Variants in RUNDC3B observed in about 807,000 individuals in gnomAD.
The protein encoded by RUNDC3B is RUN domain containing 3B.
A neutral mutation model predicts 58.4 loss-of-function variants in RUNDC3B; 33 were observed. That is an observed-to-expected ratio of 0.56 (90% CI 0.43 to 0.75). RUNDC3B has a LOEUF of 0.75. Among genes scored for constraint, RUNDC3B ranks in the 30% least tolerant of loss-of-function variants. The pLI is 0.00. For missense variants in RUNDC3B, 501 were observed against 535.7 expected (o/e 0.94, Z 0.64); for synonymous variants, 193 against 195.2 (o/e 0.99, Z 0.10).
intron 10 of RUNDC3B, among the ~76,000 whole-genome samples, chr7:87,823,318 C>T (rs143455138): frequency 0.011 from 1,744 of 152,164 alleles, 41 homozygotes; most frequent in African/African-American, 0.04. Flanking sequence ...GTCACATAGC[C>T]CTTTCCATAG....
intron 2 of RUNDC3B, among the ~76,000 whole-genome samples, chr7:87,692,282 C>A (rs1335514534): frequency 1.3e-5 from 2 of 152,062 alleles, no homozygotes; most frequent in African/African-American, 4.8e-5. Context: ...AAGATCTGGT[C>A]TCTACAAAAA....
At chr7:87,825,275 G>A (rs1461074680) in intron 10 of RUNDC3B, among the ~76,000 whole-genome samples, 1 of 152,158 alleles carries the variant, frequency 6.6e-6, no homozygotes, top group Non-Finnish European at 1.5e-5. Context: ...CAAGCCAGCA[G>A]AGATTTGCAT....
intron 4 of RUNDC3B, among the ~76,000 whole-genome samples, chr7:87,724,362 A>G (rs1831091195): frequency 6.6e-6 from 1 of 152,206 alleles, no homozygotes; most frequent in African/African-American, 2.4e-5. Context: ...AAAACATTTC[A>G]GGATATTATT....
At chr7:87,773,879 C>T (rs1834461446) in intron 7 of RUNDC3B, among the ~76,000 whole-genome samples, 1 of 151,894 alleles carries the variant, frequency 6.6e-6, no homozygotes, top group Middle Eastern at 3.4e-3. Context: ...GGTTTCACGA[C>T]GTTGGCTAGG....
intron 4 of RUNDC3B, among the ~76,000 whole-genome samples, chr7:87,719,375 G>A (rs1045746202): frequency 1.8e-4 from 27 of 151,392 alleles, no homozygotes; most frequent in African/African-American, 5.1e-4. Flanking sequence ...TACATAATTA[G>A]ACAAGTTGAT....
intron 9 of RUNDC3B, among the ~76,000 whole-genome samples, chr7:87,814,189 C>T (rs1376914656): frequency 6.6e-6 from 1 of 151,112 alleles, no homozygotes; most frequent in Non-Finnish European, 1.5e-5. Context: ...CAATCTCTGC[C>T]TATCAGGTTC....
At chr7:87,822,223 C>T (rs1439601861) in intron 10 of RUNDC3B, among the ~76,000 whole-genome samples, 68 of 151,640 alleles carry the variant, frequency 4.5e-4, no homozygotes, top group Middle Eastern at 6.8e-3. Context: ...AAAAAGTGGG[C>T]GAAGGACATG....
intron 7 of RUNDC3B, among the ~76,000 whole-genome samples, chr7:87,775,073 CA>C (rs543054831): frequency 6.6e-6 from 1 of 152,038 alleles, no homozygotes; most frequent in South Asian, 2.1e-4. Flanking sequence ...ACTTAAAAAA[CA>C]AAAAAGTTAA....
chr7:87,710,734 A>G, intron 4 of RUNDC3B, 79 bp downstream of exon 4: 1 of 723,306 alleles, frequency 1.4e-6, no homozygotes, highest in Non-Finnish European at 2.3e-6. Flanking sequence ...AGGATGAAGA[A>G]TCAATTTCTA....
At chr7:87,654,412 C>T (rs1466709384) in intron 2 of RUNDC3B, among the ~76,000 whole-genome samples, 1 of 151,962 alleles carries the variant, frequency 6.6e-6, no homozygotes, top group Non-Finnish European at 1.5e-5. Flanking sequence ...GAATAGAGAA[C>T]CCACAAATAA....
intron 8 of RUNDC3B, among the ~76,000 whole-genome samples, chr7:87,784,644 A>G (rs930298386): frequency 2.0e-5 from 3 of 151,274 alleles, no homozygotes; most frequent in Non-Finnish European, 4.4e-5. Flanking sequence ...TTACTCAGCT[A>G]TAAGCCTCCT....
chr7:87,777,637 A>G (rs1479847184), intron 7 of RUNDC3B, among the ~76,000 whole-genome samples, 161 bp from the exon 8 acceptor site: 1 of 152,234 alleles, frequency 6.6e-6, no homozygotes, highest in East Asian at 1.9e-4. Flanking sequence ...TTAAATTTTT[A>G]TATTCAATTA....
intron 3 of RUNDC3B, chr7:87,709,563 T>G (rs912494597): frequency 1.2e-5 from 12 of 967,286 alleles, no homozygotes; most frequent in Non-Finnish European, 1.5e-5. Context: ...TTCTTCCCAG[T>G]AGTACTGCTG....
intron 10 of RUNDC3B, among the ~76,000 whole-genome samples, chr7:87,829,207 A>G (rs117972611): frequency 0.028 from 4,294 of 152,222 alleles, 59 homozygotes; most frequent in Middle Eastern, 0.048. Context: ...TAGATTCTGG[A>G]TATCAGACAT....
chr7:87,796,183 G>A (rs114233117), intron 8 of RUNDC3B, among the ~76,000 whole-genome samples: 1,746 of 152,264 alleles, frequency 0.011, 42 homozygotes, highest in African/African-American at 0.04. Flanking sequence ...AGGTCACTGT[G>A]TTAAGTGAAA....
intron 2 of RUNDC3B, among the ~76,000 whole-genome samples, chr7:87,683,291 T>C (rs1005081163): frequency 2.0e-5 from 3 of 152,216 alleles, no homozygotes; most frequent in Non-Finnish European, 4.4e-5. Context: ...TTTCACTTCC[T>C]TCATGTGTTC....
intron 6 of RUNDC3B, among the ~76,000 whole-genome samples, chr7:87,763,646 G>A (rs1395112785): frequency 6.6e-6 from 1 of 151,286 alleles, no homozygotes; most frequent in Non-Finnish European, 1.5e-5. Context: ...TGATTTTTAG[G>A]CAATCCATTT....
At chr7:87,765,688 A>G (rs910103340) in intron 6 of RUNDC3B, among the ~76,000 whole-genome samples, 2 of 152,020 alleles carry the variant, frequency 1.3e-5, no homozygotes, top group African/African-American at 4.8e-5. Flanking sequence ...TTAAAAATTT[A>G]TTGAGACTTG....
intron 8 of RUNDC3B, among the ~76,000 whole-genome samples, chr7:87,793,309 A>G (rs754030526): frequency 1.3e-5 from 2 of 152,164 alleles, no homozygotes; most frequent in Non-Finnish European, 2.9e-5. Flanking sequence ...CTAAAAATAT[A>G]GAGGAGGAAT....
Sources: gnomAD v4.1 joint callset for allele counts (sites outside exome capture counted in the v4.1 genomes callset) on GRCh38, gnomAD v4.1.1 for gene constraint, MANE v1.5 for transcripts, NCBI Gene and HGNC (gene_info 2026-07-23, HGNC 2026-07-21) for gene names.